Variants in CEACAM19 observed in about 807,000 individuals in gnomAD.
CEACAM19 encodes the protein CEA cell adhesion molecule 19, also known as cell adhesion molecule CEACAM19.
Under a neutral mutation model 37.6 loss-of-function variants are expected in CEACAM19, and 37 were observed. The ratio of observed to expected loss-of-function variants is 0.98; its 90% CI spans 0.76 to 1.29. The LOEUF (loss-of-function observed/expected upper bound fraction) is 1.29. Among genes scored for constraint, CEACAM19 ranks in the 50% most tolerant of loss-of-function variants. The pLI is 0.00. For synonymous variants in CEACAM19, 140 were observed against 149.8 expected, an observed-to-expected ratio of 0.93 and a Z score of 0.48; for missense variants, 340 against 375.6, an observed-to-expected ratio of 0.91 and a Z score of 0.78.
chr19:44,668,551 T>C (rs1478842364), upstream of CEACAM19, among the ~76,000 whole-genome samples: 10 of 72,284 alleles, frequency 1.4e-4, no homozygotes, highest in Non-Finnish European at 2.1e-4. Flanking sequence ...TATAATTATA[T>C]AATTATATAC....
intron 7 of CEACAM19, 83 bp from the exon 8 acceptor site, chr19:44,683,354 T>C (rs1239532731): frequency 2.0e-5 from 12 of 615,144 alleles, no homozygotes; most frequent in African/African-American, 1.9e-4. Flanking sequence ...TCACGCTGTC[T>C]CTCATCCTCT....
At chr19:44,666,114 G>A (rs972947636) in intron 1 of CEACAM19, 6 of 152,148 alleles carry the variant, frequency 3.9e-5, no homozygotes, top group Admixed American at 3.3e-4. Context: ...TCTAAGTACT[G>A]TCTACAAGTT....
At chr19:44,670,037 CTAAGCCAGGTATGGTGAGTCACATCTG>C (rs1166823990), upstream of CEACAM19, among the ~76,000 whole-genome samples, 1 of 152,096 alleles carries the variant, frequency 6.6e-6, no homozygotes, top group African/African-American at 2.4e-5. Flanking sequence ...AAAAACTAGG[CTAAGCCAGGTATGGTGAGTCACATCTG>C]TAATCCCAGT....
chr19:44,680,966 C>G (rs1444937175), intron 5 of CEACAM19, among the ~76,000 whole-genome samples: 1 of 151,996 alleles, frequency 6.6e-6, no homozygotes, highest in Non-Finnish European at 1.5e-5. Flanking sequence ...TCCCACCCGC[C>G]CCCAGTCCCC....
Position 44,672,829 on chromosome 19 carries a change from C to T in CEACAM19, c.289C>T (p.Arg97Ter), listed in dbSNP as rs367774891. 99 of 1,600,304 alleles carry T rather than the reference C, an allele frequency of 6.2e-5. No individual in the cohort carries two copies. The highest frequency in any genetic ancestry group is 7.4e-5 in the Non-Finnish European group (87 of 1,172,424). ...GAGGGATGGCAGTGCCATGGGACAG[C>T]GAGACATCGTGGGCTTCCCCAATGG... ...PQRDGSAMGQRDIVGFPNGSM... is the reference protein window; with the variant it reads ...PQRDGSAMGQ Residue 97 changes from arginine (R) to a stop codon, truncating the protein, a stop_gained, in exon 2 of 8, where the codon CGA becomes TGA. Coordinates refer to ENST00000358777, the MANE Select transcript of CEACAM19 (RefSeq NM_001127893.3). LOFTEE classifies it high-confidence loss of function.
chr19:44,683,665 G>T lies in CEACAM19; in HGVS notation c.*175G>T. On this transcript the variant is annotated 3_prime_UTR_variant, in exon 8 of 8. Coordinates refer to ENST00000358777, the MANE Select transcript of CEACAM19 (RefSeq NM_001127893.3). ...TGTCCTGGCAGGGGGACAGGAGACTGTAACAGGCCCAGGTCCTTGTGCAGC... is the reference window on the plus strand; with the variant it reads ...TGTCCTGGCAGGGGGACAGGAGACTTTAACAGGCCCAGGTCCTTGTGCAGC... 1 of 449,518 alleles carries T rather than the reference G, an allele frequency of 2.2e-6. No homozygotes were observed. Among genetic ancestry groups the T allele is most frequent in the Non-Finnish European group, 4.0e-6 (1 of 250,162 alleles). 27.8% of individuals were successfully genotyped at this position (449,518 alleles called of 1,614,324 possible).
intron 2 of CEACAM19, 23 bp from the exon 3 acceptor site, chr19:44,676,248 T>C: frequency 6.2e-7 from 1 of 1,612,184 alleles, no homozygotes; most frequent in Non-Finnish European, 8.5e-7. Context: ...CCCCCCTCTC[T>C]CTTTCTTTCT....
At chr19:44,678,801 T>G (rs1185281752) in intron 3 of CEACAM19, 52 bp from the exon 4 acceptor site, 3 of 1,601,948 alleles carry the variant, frequency 1.9e-6, no homozygotes, top group East Asian at 2.3e-5. Context: ...CTCTCTGATA[T>G]TCTACTGTCA....
At chr19:44,669,185 T>A (rs1041414043), upstream of CEACAM19, among the ~76,000 whole-genome samples, 1 of 151,956 alleles carries the variant, frequency 6.6e-6, no homozygotes, top group African/African-American at 2.4e-5. Context: ...AGTGTCATGA[T>A]CAAAGTTCAC....
At chr19:44,667,648 TTATA>T (rs1250243832), upstream of CEACAM19, among the ~76,000 whole-genome samples, 5 of 84,978 alleles carry the variant, frequency 5.9e-5, no homozygotes, top group East Asian at 1.0e-3. Flanking sequence ...ATAATATATA[TTATA>T]TAGATATATA....
chr19:44,683,225 C>T (rs1974096004), intron 7 of CEACAM19: 2 of 454,478 alleles, frequency 4.4e-6, no homozygotes, highest in South Asian at 1.1e-4. Flanking sequence ...GTCTCTCCTG[C>T]CTCTTTGTCT....
upstream of CEACAM19, chr19:44,667,369 G>C (rs905442117): frequency 6.6e-6 from 1 of 150,522 alleles, no homozygotes; most frequent in Admixed American, 6.8e-5. Context: ...TGATGAAAAC[G>C]TTCTCCATCT....
chr19:44,675,559 T>C lies in CEACAM19; in HGVS notation c.425-712T>C, dbSNP rs565877546. On this transcript the variant is annotated intron_variant, in intron 2 of 7. Transcript: ENST00000358777. ...CCAACACTTTGGGAGACCAAGGCAG[T>C]AGAACTACTTGAGTCCAGGAATTTG... is the stretch of plus-strand genomic sequence containing the variant. Among the ~76,000 whole-genome samples the C allele has an allele frequency of 6.6e-5, 10 of 152,172 alleles. No homozygotes were observed. The South Asian group carries it at 1.5e-3, about 22-fold the overall frequency.
Position 44,677,166 on chromosome 19 carries a change from G to A in CEACAM19, c.575+745G>A, listed in dbSNP as rs186181888. On this transcript the variant is annotated intron_variant, in intron 3 of 7. Transcript: ENST00000358777. ...CTGGTAGTTCCAACAAGAGCCCCAA[G>A]TCTACCTCTCATTGGCTTAACTCAG... 1.4e-4 allele frequency among the ~76,000 whole-genome samples: 21 copies of A among 152,248 alleles called. No individual in the cohort carries two copies. In the East Asian group the frequency reaches 3.9e-3, roughly 28 times the overall value.
In CEACAM19 at chr19:44,683,429, C is replaced by T. The variant is rs141629360; in HGVS notation, c.847-8C>T. The T allele has an allele frequency of 2.6e-6, 4 of 1,523,906 alleles. No individual in the cohort carries two copies. The highest frequency in any genetic ancestry group is 1.7e-4 in the Middle Eastern group (1 of 5,878). The allele number at this position is 1,523,906 out of a possible 1,614,324, so 94.4% of individuals were successfully genotyped here. A position where few individuals can be genotyped will look rare whatever the true frequency, so the allele number is the denominator to read the frequency against. ...GTCATAATTCTGTTCTCTCTTCCCC[C>T]CAAGCAGGACCTGCTAAACCCCGAC... is the stretch of plus-strand genomic sequence containing the variant. On this transcript the variant is annotated splice_region_variant and splice_polypyrimidine_tract_variant and intron_variant, in intron 7 of 7. Transcript: ENST00000358777.
chr19:44,667,832 T>TTTATATATAATATATACAATATATATAAA (rs1568512270), upstream of CEACAM19, among the ~76,000 whole-genome samples: 7 of 73,938 alleles, frequency 9.5e-5, no homozygotes, highest in East Asian at 2.3e-3. Context: ...AATTATATAT[T>TTTATATATAATATATACAATATATATAAA]TTATATATAA....
chr19:44,672,395 C>G (rs1973870623), intron 1 of CEACAM19: 1 of 530,884 alleles, frequency 1.9e-6, no homozygotes, highest in African/African-American at 1.9e-5. Flanking sequence ...TCTGGATCAA[C>G]AGGATGGCAA....
upstream of CEACAM19, chr19:44,667,102 C>CTG (rs1973726857): frequency 6.6e-6 from 1 of 151,768 alleles, no homozygotes; most frequent in Admixed American, 6.6e-5. Context: ...TATAGCTGGG[C>CTG]CACTCCATCA....
chr19:44,666,026 G>A (rs919048863), intron 1 of CEACAM19: 3 of 152,324 alleles, frequency 2.0e-5, no homozygotes, highest in African/African-American at 7.2e-5. Context: ...AAGGCTGCAG[G>A]ACAGGATGGA....
Sources: gnomAD v4.1 joint callset for allele counts (sites outside exome capture counted in the v4.1 genomes callset) on GRCh38, gnomAD v4.1.1 for gene constraint, MANE v1.5 for transcripts, NCBI Gene and HGNC (gene_info 2026-07-23, HGNC 2026-07-21) for gene names.